The following KLHL32 variants were observed in gnomAD, a reference collection of about 807,000 sequenced individuals.
The protein encoded by KLHL32 is kelch-like protein 32.
KLHL32 carries 35 observed loss-of-function variants against 64.8 expected under a neutral mutation model. That is an observed-to-expected ratio of 0.54 (90% CI 0.41 to 0.72). The LOEUF is 0.72. Ranked by LOEUF, KLHL32 falls within the 30% of genes least tolerant of loss-of-function variation. The pLI, the probability that KLHL32 is intolerant of heterozygous loss-of-function variation, is 0.00. For missense variants in KLHL32, 589 were observed against 768.5 expected (o/e 0.77, Z 2.76); for synonymous variants, 259 against 281.0 (o/e 0.92, Z 0.78).
intron 6 of KLHL32, among the ~76,000 whole-genome samples, chr6:97,098,184 C>T (rs1795245709): frequency 6.6e-6 from 1 of 152,106 alleles, no homozygotes; most frequent in African/African-American, 2.4e-5. Context: ...ATGTGCAGCT[C>T]ACATTGTGTT....
intron 6 of KLHL32, among the ~76,000 whole-genome samples, chr6:97,103,393 T>C (rs922402669): frequency 7.9e-5 from 12 of 152,070 alleles, no homozygotes; most frequent in Non-Finnish European, 1.6e-4. Context: ...TTTTGTATTT[T>C]TGGTAGAGAT....
At chr6:96,978,987 T>C (rs1471133714) in intron 3 of KLHL32, among the ~76,000 whole-genome samples, 29 of 152,130 alleles carry the variant, frequency 1.9e-4, no homozygotes, top group Admixed American at 1.9e-3. Context: ...CCTTTTTTTA[T>C]GGTGTTGTTT....
intron 1 of KLHL32, among the ~76,000 whole-genome samples, chr6:96,959,013 T>C (rs556338609): frequency 2.0e-5 from 3 of 152,156 alleles, no homozygotes; most frequent in Non-Finnish European, 4.4e-5. Context: ...AGTGTTCTGG[T>C]AAAACAAGCA....
chr6:97,022,316 G>A (rs1782107426), intron 3 of KLHL32, among the ~76,000 whole-genome samples: 1 of 150,400 alleles, frequency 6.6e-6, no homozygotes, highest in Admixed American at 6.6e-5. Flanking sequence ...CCTCAGACAG[G>A]CACCTGAGAA....
At chr6:96,976,317 G>C (rs535040162) in intron 3 of KLHL32, 140 bp downstream of exon 3, 1 of 765,276 alleles carries the variant, frequency 1.3e-6, no homozygotes, top group Non-Finnish European at 1.9e-6. Context: ...TTCCTGGGTA[G>C]AATGCTTCCT....
intron 3 of KLHL32, among the ~76,000 whole-genome samples, chr6:97,018,712 T>C (rs1463203083): frequency 6.6e-6 from 1 of 152,050 alleles, no homozygotes; most frequent in East Asian, 1.9e-4. Context: ...TAATATGCTA[T>C]AAAGTAGAAT....
At chr6:97,005,368 C>CT (rs943174106) in intron 3 of KLHL32, among the ~76,000 whole-genome samples, 12 of 151,966 alleles carry the variant, frequency 7.9e-5, no homozygotes, top group Non-Finnish European at 1.6e-4. Context: ...GATCTTCTCT[C>CT]TTTTTTTCTT....
intron 3 of KLHL32, among the ~76,000 whole-genome samples, chr6:97,020,244 A>G (rs1345004391): frequency 1.3e-5 from 2 of 150,824 alleles, no homozygotes; most frequent in East Asian, 3.9e-4. Context: ...CCCAGCCTAT[A>G]CTATTTTTTA....
At chr6:97,088,756 C>T (rs1165332275) in intron 6 of KLHL32, among the ~76,000 whole-genome samples, 1 of 152,028 alleles carries the variant, frequency 6.6e-6, no homozygotes, top group African/African-American at 2.4e-5. Context: ...ATAAATAAGC[C>T]AAAACATGGC....
At chr6:97,040,933 T>A (rs1408475670) in intron 3 of KLHL32, among the ~76,000 whole-genome samples, 1 of 152,212 alleles carries the variant, frequency 6.6e-6, no homozygotes, top group Non-Finnish European at 1.5e-5. Context: ...TCCACCATTA[T>A]TGTAAGTTTC....
chr6:97,022,032 A>G (rs557957931), intron 3 of KLHL32, among the ~76,000 whole-genome samples: 5 of 150,952 alleles, frequency 3.3e-5, no homozygotes, highest in Non-Finnish European at 7.4e-5. Flanking sequence ...CTAAACTACC[A>G]TTATGTTTTG....
chr6:96,999,175 C>T, intron 3 of KLHL32, among the ~76,000 whole-genome samples: 1 of 152,130 alleles, frequency 6.6e-6, no homozygotes, highest in East Asian at 1.9e-4. Context: ...GCAGAAGGAT[C>T]ATTTGAGCCC....
At chr6:97,019,931 C>T (rs1352465235) in intron 3 of KLHL32, among the ~76,000 whole-genome samples, 9 of 146,056 alleles carry the variant, frequency 6.2e-5, no homozygotes, top group African/African-American at 2.3e-4. Flanking sequence ...AGGCGCCCAT[C>T]ACCACTCCCG....
At chr6:97,020,605 C>A (rs1429759174) in intron 3 of KLHL32, among the ~76,000 whole-genome samples, 1 of 150,820 alleles carries the variant, frequency 6.6e-6, no homozygotes, top group Non-Finnish European at 1.5e-5. Context: ...AAGCCACACA[C>A]CTCATTTTAT....
At chr6:96,942,126 C>T (rs145852175) in intron 1 of KLHL32, among the ~76,000 whole-genome samples, 223 of 152,318 alleles carry the variant, frequency 1.5e-3, no homozygotes, top group African/African-American at 5.2e-3. Flanking sequence ...GTTGCTCTAA[C>T]ATTCTCCTGC....
Position 97,019,570 on chromosome 6 carries a change from G to A in KLHL32, c.205-21922G>A, listed in dbSNP as rs1426490116. On this transcript the variant is annotated intron_variant, in intron 3 of 10. Coordinates refer to ENST00000369261, the MANE Select transcript of KLHL32 (RefSeq NM_052904.4). ...CCTGAAAAGGCTGGCAGGTGAAGTC[G>A]GTCTGCCCACAGTTCTCTCAGCAGC... is the stretch of plus-strand genomic sequence containing the variant. Among the ~76,000 whole-genome samples, 9 of 152,158 alleles carry A rather than the reference G, an allele frequency of 5.9e-5. No individual in the cohort carries two copies. In the East Asian group the frequency reaches 1.3e-3, roughly 23 times the overall value.
chr6:97,139,402 T>C lies in KLHL32; in HGVS notation c.*120T>C. On this transcript the variant is annotated 3_prime_UTR_variant, in exon 11 of 11. Coordinates refer to ENST00000369261, the MANE Select transcript of KLHL32 (RefSeq NM_052904.4). ...TTTATAGGTCTTATATTCGGATAAATTTAAGCAAAAAATGAACAATTTTCT... is the reference window on the plus strand; with the variant it reads ...TTTATAGGTCTTATATTCGGATAAACTTAAGCAAAAAATGAACAATTTTCT... 1.1e-6 allele frequency: 1 copy of C among 898,198 alleles called. No homozygotes were observed. Among genetic ancestry groups the C allele is most frequent in the South Asian group, 1.8e-5 (1 of 54,302 alleles). The allele number at this position is 898,198 out of a possible 1,614,324, so 55.6% of individuals were successfully genotyped here.
intron 3 of KLHL32, among the ~76,000 whole-genome samples, chr6:97,040,388 A>T (rs552833652): frequency 1.4e-4 from 21 of 151,994 alleles, no homozygotes; most frequent in Non-Finnish European, 2.5e-4. Flanking sequence ...TTCATTTGAC[A>T]TACTGATTTG....
chr6:96,957,108 C>A (rs1773365809), intron 1 of KLHL32, among the ~76,000 whole-genome samples: 1 of 152,090 alleles, frequency 6.6e-6, no homozygotes, highest in Admixed American at 6.6e-5. Context: ...TATTTTTAAT[C>A]TTTTTATGTC....
Sources: gnomAD v4.1 joint callset for allele counts (sites outside exome capture counted in the v4.1 genomes callset) on GRCh38, gnomAD v4.1.1 for gene constraint, MANE v1.5 for transcripts, NCBI Gene and HGNC (gene_info 2026-07-23, HGNC 2026-07-21) for gene names.